Variants in CACNA1H observed in about 807,000 individuals in gnomAD.
The protein encoded by CACNA1H is voltage-dependent T-type calcium channel subunit alpha-1H.
Under a neutral mutation model 192.5 loss-of-function variants are expected in CACNA1H, and 149 were observed. That is an observed-to-expected ratio of 0.77 (90% confidence interval 0.68 to 0.89). The LOEUF is 0.89. CACNA1H is among the 40% of genes least tolerant of loss of function. The pLI, the probability that CACNA1H is intolerant of heterozygous loss-of-function variation, is 0.00. For synonymous variants in CACNA1H, 2,202 were observed against 1,475.2 expected, an observed-to-expected ratio of 1.49 and a Z score of -11.29; for missense variants, 4,257 against 3,423.5, an observed-to-expected ratio of 1.24 and a Z score of -6.08.
At position 1,218,574 on chromosome 16, in the gene CACNA1H, TG is replaced by T; in HGVS notation, c.5812del (p.Val1938CysfsTer109). ...LPNDSYMFRP[V>X]VPASAPHPRP... ...AACGACAGCTACATGTTCAGGCCCG[TG>T]GTGCCTGCCTCGGCGCCCCACCCCC... is the stretch of plus-strand genomic sequence containing the variant. On this transcript the variant is annotated frameshift_variant, in exon 33 of 35. Coordinates refer to ENST00000348261, the MANE Select transcript of CACNA1H (RefSeq NM_021098.3). LOFTEE classifies it high-confidence loss of function. 1 of 1,565,242 alleles carries T rather than the reference TG, an allele frequency of 6.4e-7. No homozygotes were observed. The highest frequency in any genetic ancestry group is 8.7e-7 in the Non-Finnish European group (1 of 1,155,284).
intron 2 of CACNA1H, among the ~76,000 whole-genome samples, chr16:1,179,730 CTTTTTTT>C (rs758652517): frequency 7.3e-5 from 8 of 109,126 alleles, no homozygotes; most frequent in African/African-American, 1.1e-4. Context: ...CGCCCGGCCT[CTTTTTTT>C]TTTTTTTTTT....
intron 2 of CACNA1H, among the ~76,000 whole-genome samples, chr16:1,182,207 C>T (rs975644093): frequency 6.6e-6 from 1 of 152,108 alleles, no homozygotes; most frequent in Non-Finnish European, 1.5e-5. Context: ...GGAGGCTCTG[C>T]GGGGTGGAGG....
At chr16:1,158,262 T>A (rs1962693786) in intron 2 of CACNA1H, among the ~76,000 whole-genome samples, 1 of 152,068 alleles carries the variant, frequency 6.6e-6, no homozygotes, top group African/African-American at 2.4e-5. Context: ...CTGGGAGCGT[T>A]GCAGGGCTCA....
intron 2 of CACNA1H, among the ~76,000 whole-genome samples, chr16:1,156,249 C>T (rs778572667): frequency 2.0e-5 from 3 of 152,212 alleles, no homozygotes; most frequent in Non-Finnish European, 4.4e-5. Flanking sequence ...GGAAGCAGAG[C>T]TTAGACCCCA....
intron 25 of CACNA1H, 37 bp downstream of exon 25, chr16:1,212,175 G>A (rs375347598): frequency 5.3e-5 from 83 of 1,576,390 alleles, no homozygotes; most frequent in Non-Finnish European, 6.3e-5. Context: ...GTGGCGGGTC[G>A]GTACCTGTGT....
At chr16:1,202,530 C>A in intron 9 of CACNA1H, 78 bp downstream of exon 9, 1 of 1,290,926 alleles carries the variant, frequency 7.7e-7, no homozygotes, top group Non-Finnish European at 1.0e-6. Context: ...GTGTCATTCC[C>A]ACACCCATTG....
In CACNA1H at chr16:1,205,252, A is replaced by G. The variant is rs763018223; in HGVS notation, c.2590A>G (p.Ile864Val). The G allele has an allele frequency of 1.2e-5, 19 of 1,607,348 alleles. No individual in the cohort carries two copies. The East Asian group carries it at 3.1e-4, about 26-fold the overall frequency. ...RNPYNIFDGI[I>V]VVISVWEIVG... ...CCCGTACAACATCTTCGACGGCATCATCGTGGTCATCAGGTGGGTCCCCAC... is the reference window on the plus strand; with the variant it reads ...CCCGTACAACATCTTCGACGGCATCGTCGTGGTCATCAGGTGGGTCCCCAC... The change falls in exon 11 of 35, where the codon ATC becomes GTC. Residue 864 changes from isoleucine (I) to valine (V), a missense_variant. Coordinates refer to ENST00000348261, the MANE Select transcript of CACNA1H (RefSeq NM_021098.3).
chr16:1,207,333 C>T lies in CACNA1H; in HGVS notation c.2966C>T (p.Ser989Phe), dbSNP rs1281211116. 6 of 1,611,570 alleles carry T rather than the reference C, an allele frequency of 3.7e-6. No homozygotes were observed. Among genetic ancestry groups the T allele is most frequent in the Non-Finnish European group, 5.1e-6 (6 of 1,179,148 alleles). Residue 989 changes from serine to phenylalanine, a missense_variant, in exon 14 of 35, where the codon TCC becomes TTC. Physicochemically the swap from Ser to Phe is radical, Grantham distance 155 (BLOSUM62 -2). Coordinates refer to ENST00000348261, the MANE Select transcript of CACNA1H (RefSeq NM_021098.3). ...VLYNGMASTS[S>F]WAALYFVALM... Reference sequence around the variant, plus strand: ...TACAACGGCATGGCCTCCACCTCCTCCTGGGCCGCCCTCTACTTCGTGGCC... The same window carrying T: ...TACAACGGCATGGCCTCCACCTCCTTCTGGGCCGCCCTCTACTTCGTGGCC...
chr16:1,183,482 C>T (rs1448545356), intron 2 of CACNA1H, among the ~76,000 whole-genome samples: 1 of 152,200 alleles, frequency 6.6e-6, no homozygotes, highest in Non-Finnish European at 1.5e-5. Context: ...GGAAGAGAAA[C>T]CTCCTTCAGT....
At chr16:1,185,619 G>A (rs1177580733) in intron 2 of CACNA1H, among the ~76,000 whole-genome samples, 3 of 149,530 alleles carry the variant, frequency 2.0e-5, no homozygotes, top group East Asian at 2.0e-4. Flanking sequence ...GGCCGGAGGC[G>A]GGGTACGTGG....
rs993080058 is a variant in CACNA1H, at chr16:1,221,295, C to T, written c.*301C>T. 55 of 413,180 alleles carry T rather than the reference C, an allele frequency of 1.3e-4. 1 individual carries two copies. Among genetic ancestry groups the T allele is most frequent in the Middle Eastern group, 1.3e-3 (2 of 1,598 alleles). The allele number at this position is 413,180 out of a possible 1,614,324, so 25.6% of individuals were successfully genotyped here. On this transcript the variant is annotated 3_prime_UTR_variant, in exon 35 of 35. Coordinates refer to ENST00000348261, the MANE Select transcript of CACNA1H (RefSeq NM_021098.3). ...GAAGCCGCGTCTGTGGGACGAAGAC[C>T]GGGCACCCGCCAGAGAGGGGAAGGT...
chr16:1,189,604 T>C (rs1966410080), intron 2 of CACNA1H, among the ~76,000 whole-genome samples: 1 of 151,892 alleles, frequency 6.6e-6, no homozygotes, highest in African/African-American at 2.4e-5. Flanking sequence ...AAATATTTTG[T>C]AGCAATGGGG....
intron 2 of CACNA1H, among the ~76,000 whole-genome samples, chr16:1,182,459 C>A (rs1009068676): frequency 6.6e-6 from 1 of 152,162 alleles, no homozygotes; most frequent in Non-Finnish European, 1.5e-5. Context: ...TGCTCTCCCA[C>A]GGGCAGCCCA....
chr16:1,153,197 G>T lies in CACNA1H; in HGVS notation c.-292G>T, dbSNP rs1961809640. ...GCCCGCGCCCCGCGCCCCGCGCCCCGCGCCCCGGCCTCACCCGTCCGCTCA... is the reference window on the plus strand; with the variant it reads ...GCCCGCGCCCCGCGCCCCGCGCCCCTCGCCCCGGCCTCACCCGTCCGCTCA... On this transcript the variant is annotated 5_prime_UTR_variant, in exon 1 of 35. Transcript: ENST00000348261. 1 of 143,838 alleles carries T rather than the reference G, an allele frequency of 7.0e-6. No homozygotes were observed. The highest frequency in any genetic ancestry group is 6.9e-5 in the Admixed American group (1 of 14,496). The allele number at this position is 143,838 out of a possible 1,614,324, so 8.9% of individuals were successfully genotyped here.
intron 12 of CACNA1H, chr16:1,206,743 G>C (rs1286621719): frequency 2.0e-6 from 1 of 494,048 alleles, no homozygotes; most frequent in Non-Finnish European, 3.6e-6. Context: ...CCCAAATCCA[G>C]AGTGGCTTCC....
In CACNA1H at chr16:1,207,870, G is replaced by C; in HGVS notation, c.3154+10G>C. ...GAACTCCAGACCACAGGTGCGTGTG[G>C]TCGGTGGGTGGTCCGGGTTCTGGCG... On this transcript the variant is annotated intron_variant, in intron 15 of 34. Transcript: ENST00000348261. The C allele has an allele frequency of 6.3e-7, 1 of 1,579,632 alleles. No homozygotes were observed.
At chr16:1,158,759 G>A (rs964982058) in intron 2 of CACNA1H, among the ~76,000 whole-genome samples, 42 of 152,110 alleles carry the variant, frequency 2.8e-4, no homozygotes, top group South Asian at 4.1e-4. Context: ...CGAGTTTGCC[G>A]AGAGAGCTCT....
At chr16:1,203,267 G>A (rs1468638860) in intron 9 of CACNA1H, among the ~76,000 whole-genome samples, 1 of 152,204 alleles carries the variant, frequency 6.6e-6, no homozygotes, top group Non-Finnish European at 1.5e-5. Context: ...AACATCACAG[G>A]ACGGCTCGAT....
At position 1,204,451 on chromosome 16, in the gene CACNA1H, A is replaced by G. The variant is rs1349637392; in HGVS notation, c.2444A>G (p.His815Arg). The G allele has an allele frequency of 2.0e-6, 3 of 1,533,498 alleles. No individual in the cohort carries two copies. Among genetic ancestry groups the G allele is most frequent in the Non-Finnish European group, 2.6e-6 (3 of 1,140,854 alleles). The allele number at this position is 1,533,498 out of a possible 1,614,324, so 95.0% of individuals were successfully genotyped here. Residue 815 changes from histidine to arginine, a missense_variant, in exon 10 of 35, where the codon CAT (histidine) becomes CGT (arginine). Physicochemically the swap from His to Arg is conservative, Grantham distance 29. Coordinates refer to ENST00000348261, the MANE Select transcript of CACNA1H (RefSeq NM_021098.3). ...VNTLSMGVEY[H>R]EQPEELTNAL... ...ACGCTGAGCATGGGCGTGGAGTACCATGAGCAGGTGCGGGCTGGCCTGGCC... is the reference window on the plus strand; with the variant it reads ...ACGCTGAGCATGGGCGTGGAGTACCGTGAGCAGGTGCGGGCTGGCCTGGCC...
Sources: allele counts gnomAD v4.1 joint callset (sites outside exome capture counted in the v4.1 genomes callset), GRCh38; gene constraint gnomAD v4.1.1; transcripts MANE v1.5; gene names NCBI Gene and HGNC (gene_info 2026-07-23, HGNC 2026-07-21).